The following NSUN6 variants were observed in gnomAD, a reference collection of about 807,000 sequenced individuals.
NSUN6 encodes the protein NOP2/Sun RNA methyltransferase 6.
A neutral mutation model predicts 58.0 loss-of-function variants in NSUN6; 64 were observed. The observed-to-expected ratio is 1.10, with a 90% CI of 0.90 to 1.36. The LOEUF (loss-of-function observed/expected upper bound fraction) is 1.36, where lower values mean the gene tolerates loss of function less well. Ranked by LOEUF, NSUN6 falls within the 40% of genes most tolerant of loss-of-function variation. NSUN6 has a pLI of 0.00. For synonymous variants in NSUN6, 231 were observed against 193.9 expected (o/e 1.19, Z -1.59); for missense variants, 701 against 550.1 (o/e 1.27, Z -2.74).
intron 6 of NSUN6, among the ~76,000 whole-genome samples, chr10:18,608,446 G>A (rs1264164263): frequency 6.6e-6 from 1 of 152,012 alleles, no homozygotes; most frequent in African/African-American, 2.4e-5. Flanking sequence ...GACCAGCCTG[G>A]ACAATACGGC....
At chr10:18,604,586 C>A (rs182300527) in intron 6 of NSUN6, among the ~76,000 whole-genome samples, 1 of 151,954 alleles carries the variant, frequency 6.6e-6, no homozygotes, top group Non-Finnish European at 1.5e-5. Flanking sequence ...TATATTTGTA[C>A]GTTAAAGTGT....
intron 8 of NSUN6, among the ~76,000 whole-genome samples, chr10:18,558,143 G>C (rs940368284): frequency 2.0e-5 from 3 of 150,976 alleles, no homozygotes; most frequent in African/African-American, 4.9e-5. Flanking sequence ...AATGCGAATA[G>C]AATGGAATGA....
chr10:18,549,523 A>C (rs534966261), intron 9 of NSUN6, among the ~76,000 whole-genome samples: 12 of 151,964 alleles, frequency 7.9e-5, no homozygotes, highest in Admixed American at 5.2e-4. Context: ...ATACTAAAAA[A>C]CTCATTTATT....
intron 6 of NSUN6, among the ~76,000 whole-genome samples, chr10:18,607,728 T>C (rs928202791): frequency 1.1e-4 from 17 of 152,240 alleles, no homozygotes; most frequent in African/African-American, 3.9e-4. Context: ...ATCTGGAGCA[T>C]TGGCATGGGG....
intron 8 of NSUN6, among the ~76,000 whole-genome samples, chr10:18,577,772 C>T (rs1374692644): frequency 6.6e-6 from 1 of 152,182 alleles, no homozygotes; most frequent in African/African-American, 2.4e-5. Flanking sequence ...CCTGCTCCAC[C>T]CTGACTCATT....
chr10:18,651,299 C>A lies in NSUN6; in HGVS notation c.-96G>T. ...GAATTAATAGTGACGAGTGTCTTGA[C>A]ACCAGATGCTGAGGAAAATCTTGCC... On this transcript the variant is annotated 5_prime_UTR_variant, in exon 1 of 11. Coordinates refer to ENST00000377304, the MANE Select transcript of NSUN6 (RefSeq NM_182543.5). The A allele has an allele frequency of 7.0e-7, 1 of 1,437,410 alleles. No homozygotes were observed. The highest frequency in any genetic ancestry group is 2.6e-5 in the East Asian group (1 of 38,264). 89.0% of individuals were successfully genotyped at this position (1,437,410 alleles called of 1,614,324 possible). A position where few individuals can be genotyped will look rare whatever the true frequency, so the allele number is the denominator to read the frequency against.
intron 2 of NSUN6, among the ~76,000 whole-genome samples, chr10:18,646,166 G>A (rs1160131780): frequency 6.6e-6 from 1 of 152,142 alleles, no homozygotes; most frequent in Non-Finnish European, 1.5e-5. Flanking sequence ...CTGCACTCCA[G>A]CCTGAGCAAC....
At chr10:18,657,032 T>A (rs1048278568), upstream of NSUN6, among the ~76,000 whole-genome samples, 10 of 152,104 alleles carry the variant, frequency 6.6e-5, no homozygotes, top group African/African-American at 2.4e-4. Context: ...TTCTCCATGT[T>A]GTCTGGGTTG....
chr10:18,610,835 A>C (rs1206468674), intron 5 of NSUN6, among the ~76,000 whole-genome samples: 1 of 152,226 alleles, frequency 6.6e-6, no homozygotes. Flanking sequence ...AAGGAGAAAC[A>C]TGGAGAAATT....
chr10:18,622,986 G>A (rs2058665748), intron 3 of NSUN6, among the ~76,000 whole-genome samples: 1 of 152,168 alleles, frequency 6.6e-6, no homozygotes, highest in South Asian at 2.1e-4. Context: ...GTTGAGAGAT[G>A]TTTTAAAGGC....
chr10:18,630,114 T>A, intron 3 of NSUN6, among the ~76,000 whole-genome samples: 3 of 132,478 alleles, frequency 2.3e-5, no homozygotes, highest in Non-Finnish European at 4.8e-5. Flanking sequence ...TCAAAACTGC[T>A]CAGCTACATG....
chr10:18,628,922 C>G (rs1036061603), intron 3 of NSUN6, among the ~76,000 whole-genome samples: 1 of 151,924 alleles, frequency 6.6e-6, no homozygotes, highest in African/African-American at 2.4e-5. Flanking sequence ...AGATACTCCT[C>G]GAGAAGAGCA....
chr10:18,568,081 T>C (rs1392340850), intron 8 of NSUN6, among the ~76,000 whole-genome samples: 1 of 151,586 alleles, frequency 6.6e-6, no homozygotes, highest in Non-Finnish European at 1.5e-5. Context: ...TTCCATTCCA[T>C]TCTCTATTTC....
At position 18,651,517 on chromosome 10, in the gene NSUN6, A is replaced by T. The variant is rs2059705493; in HGVS notation, c.-314T>A. 1 of 1,039,336 alleles carries T rather than the reference A, an allele frequency of 9.6e-7. No homozygotes were observed. Among genetic ancestry groups the T allele is most frequent in the African/African-American group, 1.7e-5 (1 of 59,642 alleles). The allele number at this position is 1,039,336 out of a possible 1,614,324, so 64.4% of individuals were successfully genotyped here. A position where few individuals can be genotyped will look rare whatever the true frequency, so the allele number is the denominator to read the frequency against. ...AAAAGAAAAAAATGCTTAGTAACTG[A>T]ATCCGTGGTGAAACGGACGCAGATC... is the stretch of plus-strand genomic sequence containing the variant. On this transcript the variant is annotated 5_prime_UTR_variant, in exon 1 of 11. Transcript: ENST00000377304.
chr10:18,635,746 G>T (rs1359956753), intron 3 of NSUN6, among the ~76,000 whole-genome samples: 2 of 151,642 alleles, frequency 1.3e-5, no homozygotes. Context: ...GCTGAGGCAG[G>T]AGAACCACTT....
Position 18,609,858 on chromosome 10 carries a change from T to G in NSUN6, c.644A>C (p.Tyr215Ser). 1 of 1,566,792 alleles carries G rather than the reference T, an allele frequency of 6.4e-7. No homozygotes were observed. The highest frequency in any genetic ancestry group is 1.4e-5 in the African/African-American group (1 of 74,052). ...ATACATACTTACTTGTAAAAATAAG[T>G]AACGGGGCAGTACACTGTCAAATGA... is the stretch of plus-strand genomic sequence containing the variant. ...SPSFDSVLPR[Y>S]LFLQNLPSAL... Residue 215 changes from tyrosine to serine, a missense_variant, in exon 6 of 11, where the codon TAC (tyrosine) becomes TCC (serine). Physicochemically the swap from Tyr to Ser is moderately radical, Grantham distance 144 (BLOSUM62 -2). Coordinates refer to ENST00000377304, the MANE Select transcript of NSUN6 (RefSeq NM_182543.5).
chr10:18,642,601 C>T (rs1590183150), intron 2 of NSUN6, 46 bp from the exon 3 acceptor site: 1 of 922,876 alleles, frequency 1.1e-6, no homozygotes, highest in Non-Finnish European at 1.8e-6. Context: ...ACATTTGATA[C>T]ATTTCAACTT....
intron 7 of NSUN6, among the ~76,000 whole-genome samples, chr10:18,587,703 C>T (rs1246761615): frequency 6.6e-6 from 1 of 152,106 alleles, no homozygotes. Flanking sequence ...GGCCTCCCTC[C>T]CCCAGCCAAG....
At chr10:18,574,848 A>G (rs1233394041) in intron 8 of NSUN6, among the ~76,000 whole-genome samples, 2 of 152,152 alleles carry the variant, frequency 1.3e-5, no homozygotes, top group African/African-American at 4.8e-5. Context: ...CAGTTGCCAG[A>G]GGAAACAACT....
Sources: gnomAD v4.1 joint callset for allele counts (sites outside exome capture counted in the v4.1 genomes callset) on GRCh38, gnomAD v4.1.1 for gene constraint, MANE v1.5 for transcripts, NCBI Gene and HGNC (gene_info 2026-07-23, HGNC 2026-07-21) for gene names.